The following CACNA1D variants were observed in gnomAD, a reference collection of about 807,000 sequenced individuals.
CACNA1D encodes voltage-dependent L-type calcium channel subunit alpha-1D.
CACNA1D carries 55 observed loss-of-function variants against 257.1 expected under a neutral mutation model. That is an observed-to-expected ratio of 0.21 (90% confidence interval 0.17 to 0.27). The LOEUF (loss-of-function observed/expected upper bound fraction) is 0.27. Ranked by LOEUF, CACNA1D falls within the 10% of genes least tolerant of loss-of-function variation. The probability of loss-of-function intolerance (pLI) is 1.00; values close to 1 mark genes in which losing one functional copy is unlikely to be tolerated. For missense variants in CACNA1D, 1,876 were observed against 2,784.0 expected (o/e 0.67, Z 7.34); for synonymous variants, 980 against 1,014.9 (o/e 0.97, Z 0.65).
At chr3:53,802,231 C>A in intron 43 of CACNA1D, 58 bp downstream of exon 43, 2 of 1,318,726 alleles carry the variant, frequency 1.5e-6, no homozygotes, top group Non-Finnish European at 2.2e-6. Context: ...TACCAGCTGG[C>A]CTCTCTGAGT....
At chr3:53,607,377 A>C (rs1299590027) in intron 3 of CACNA1D, among the ~76,000 whole-genome samples, 1 of 152,252 alleles carries the variant, frequency 6.6e-6, no homozygotes, top group East Asian at 1.9e-4. Context: ...GGGCAAGCCC[A>C]GGGTTATCAC....
At chr3:53,702,534 A>C in intron 8 of CACNA1D, 107 bp from the exon 9 acceptor site, 1 of 1,014,468 alleles carries the variant, frequency 9.9e-7, no homozygotes, top group Non-Finnish European at 1.5e-6. Flanking sequence ...GACTATACTC[A>C]GTGCTGTGTG....
rs1330672470 is a variant in CACNA1D at position 53,734,449 on chromosome 3, ATATGT to A, written c.2622-923_2622-919del. Among the ~76,000 whole-genome samples the A allele has an allele frequency of 2.0e-5, 3 of 152,124 alleles. No homozygotes were observed. In the East Asian group the frequency reaches 5.8e-4, roughly 29 times the overall value. ...ATATATTTATGTGTATGTTTTATAT[ATATGT>A]TTTATGTGTATACATATATGTACAT... is the stretch of plus-strand genomic sequence containing the variant. On this transcript the variant is annotated intron_variant, in intron 19 of 47. Transcript: ENST00000350061.
intron 3 of CACNA1D, among the ~76,000 whole-genome samples, chr3:53,618,315 G>A (rs2093659223): frequency 1.3e-5 from 2 of 152,204 alleles, no homozygotes; most frequent in South Asian, 4.1e-4. Flanking sequence ...GTCCTCAGAT[G>A]GCCCAGGTCT....
At chr3:53,557,215 G>T (rs2092660623) in intron 3 of CACNA1D, among the ~76,000 whole-genome samples, 1 of 152,030 alleles carries the variant, frequency 6.6e-6, no homozygotes, top group African/African-American at 2.4e-5. Flanking sequence ...GTGGTCTATG[G>T]CCAGGCGTGG....
chr3:53,562,800 C>T (rs1439688077), intron 3 of CACNA1D, among the ~76,000 whole-genome samples: 2 of 152,198 alleles, frequency 1.3e-5, no homozygotes, highest in African/African-American at 4.8e-5. Flanking sequence ...ATATACCCGG[C>T]TGCAGAAGTT....
rs902717625 is a variant in CACNA1D, at chr3:53,793,285, TA to T, written c.4923+6335del. On this transcript the variant is annotated intron_variant, in intron 40 of 47. Coordinates refer to ENST00000350061, the MANE Select transcript of CACNA1D (RefSeq NM_001128840.3). The surrounding 1 kb of genome is among the most constrained non-coding windows in gnomAD (Gnocchi z 4.1). ...GGCAGCACCTGGGTATATTAAGTTA[TA>T]AGAATTTATGAAGAATGTGATGTAT... is the stretch of plus-strand genomic sequence containing the variant. 1.1e-4 allele frequency among the ~76,000 whole-genome samples: 17 copies of T among 152,160 alleles called. No homozygotes were observed. Among genetic ancestry groups the T allele is most frequent in the African/African-American group, 4.1e-4 (17 of 41,438 alleles).
At chr3:53,679,022 C>T (rs1326760260) in intron 8 of CACNA1D, 1 of 151,976 alleles carries the variant, frequency 6.6e-6, no homozygotes, top group Middle Eastern at 3.2e-3. Context: ...ATAATCCCAG[C>T]ACTTTCGGAG....
intron 3 of CACNA1D, among the ~76,000 whole-genome samples, chr3:53,507,072 CAA>C (rs781421977): frequency 5.7e-3 from 324 of 56,654 alleles, no homozygotes; most frequent in African/African-American, 0.02. Flanking sequence ...GACTCTATCT[CAA>C]AAAAAAAAAA....
chr3:53,693,467 T>A (rs546929266), intron 8 of CACNA1D, among the ~76,000 whole-genome samples: 2,389 of 152,164 alleles, frequency 0.016, 51 homozygotes, highest in African/African-American at 0.052. Flanking sequence ...TGTTATTTTT[T>A]TTTTTTTTTT....
At chr3:53,557,205 G>A (rs539181436) in intron 3 of CACNA1D, among the ~76,000 whole-genome samples, 1 of 152,188 alleles carries the variant, frequency 6.6e-6, no homozygotes, top group East Asian at 1.9e-4. Context: ...ATTAAGATCT[G>A]TGGTCTATGG....
chr3:53,508,489 A>G (rs552376893), intron 3 of CACNA1D, among the ~76,000 whole-genome samples: 1 of 152,090 alleles, frequency 6.6e-6, no homozygotes, highest in African/African-American at 2.4e-5. Flanking sequence ...CCACCCCGCA[A>G]CTCAAGTAGA....
Position 53,582,159 on chromosome 3 carries a change from C to T in CACNA1D, c.484-68620C>T, listed in dbSNP as rs530783534. Among the ~76,000 whole-genome samples, 32 of 152,146 alleles carry T rather than the reference C, an allele frequency of 2.1e-4. No individual in the cohort carries two copies. In the South Asian group the frequency reaches 6.1e-3, roughly 29 times the overall value. On this transcript the variant is annotated intron_variant, in intron 3 of 47. Coordinates refer to ENST00000350061, the MANE Select transcript of CACNA1D (RefSeq NM_001128840.3). The stretch of plus-strand genomic sequence containing the variant: ...CCTTTCGAGCATCGTGAAAAGAAGT[C>T]CTTCTTTCTCTTGGTGGTTCTTGCC...
chr3:53,568,258 C>T (rs4605535), intron 3 of CACNA1D, among the ~76,000 whole-genome samples: 53,815 of 152,000 alleles, frequency 0.35, 9,983 homozygotes, highest in African/African-American at 0.47. Flanking sequence ...GCTACGATGA[C>T]TGGTATTCTT....
At chr3:53,783,422 A>G (rs1225198551) in intron 39 of CACNA1D, among the ~76,000 whole-genome samples, 1 of 152,238 alleles carries the variant, frequency 6.6e-6, no homozygotes, top group African/African-American at 2.4e-5. Context: ...TCTTGGTCCA[A>G]TAACTGGACC....
chr3:53,498,949 G>A (rs961171469), intron 2 of CACNA1D, among the ~76,000 whole-genome samples: 5 of 152,182 alleles, frequency 3.3e-5, no homozygotes, highest in Non-Finnish European at 5.9e-5. Context: ...TGAGAACGAG[G>A]AGGGAGCTCG....
intron 11 of CACNA1D, among the ~76,000 whole-genome samples, chr3:53,720,084 A>G (rs545517420): frequency 6.6e-6 from 1 of 152,134 alleles, no homozygotes; most frequent in Non-Finnish European, 1.5e-5. Context: ...TTCTGCTCGA[A>G]AGCTTTCCAT....
chr3:53,684,020 T>C (rs1267810692), intron 8 of CACNA1D, among the ~76,000 whole-genome samples: 1 of 152,142 alleles, frequency 6.6e-6, no homozygotes, highest in African/African-American at 2.4e-5. Flanking sequence ...CCAGAGAATT[T>C]TAACAGAAAG....
chr3:53,774,381 C>T lies in CACNA1D; in HGVS notation c.4111-206C>T. The T allele has an allele frequency of 1.7e-6, 1 of 571,508 alleles. No individual in the cohort carries two copies. Among genetic ancestry groups the T allele is most frequent in the Non-Finnish European group, 3.1e-6 (1 of 318,638 alleles). The allele number at this position is 571,508 out of a possible 1,614,324, so 35.4% of individuals were successfully genotyped here. On this transcript the variant is annotated intron_variant, in intron 33 of 47. Coordinates refer to ENST00000350061, the MANE Select transcript of CACNA1D (RefSeq NM_001128840.3). The surrounding 1 kb of genome is among the most constrained non-coding windows in gnomAD (Gnocchi z 4.3). The stretch of plus-strand genomic sequence containing the variant: ...GATCCGCGAATGTGAGACCGTGCCC[C>T]TCTGGAGCACCACGTTCCCAGTGTG...
Sources: gnomAD v4.1 joint callset for allele counts (sites outside exome capture counted in the v4.1 genomes callset) on GRCh38, gnomAD v4.1.1 for gene constraint, Gnocchi (gnomAD v3.1) non-coding constraint, MANE v1.5 for transcripts, NCBI Gene and HGNC (gene_info 2026-07-23, HGNC 2026-07-21) for gene names.